Variants in OSBP2 observed in about 807,000 individuals in gnomAD.
OSBP2 encodes the protein oxysterol-binding protein 2.
OSBP2 carries 66 observed loss-of-function variants against 96.0 expected under a neutral mutation model. That is an observed-to-expected ratio of 0.69 (90% CI 0.56 to 0.84). The LOEUF (loss-of-function observed/expected upper bound fraction) is 0.84. Among genes scored for constraint, OSBP2 ranks in the 40% least tolerant of loss-of-function variants. The pLI, the probability that OSBP2 is intolerant of heterozygous loss-of-function variation, is 0.00. For missense variants in OSBP2, 1,038 were observed against 1,222.7 expected, an observed-to-expected ratio of 0.85 and a Z score of 2.25; for synonymous variants, 525 against 520.9, an observed-to-expected ratio of 1.01 and a Z score of -0.11.
At chr22:30,711,913 C>T (rs1487751705) in intron 1 of OSBP2, among the ~76,000 whole-genome samples, 1 of 152,044 alleles carries the variant, frequency 6.6e-6, no homozygotes, top group Non-Finnish European at 1.5e-5. Flanking sequence ...ACATAGGTCT[C>T]TGGAGACCTG....
intron 1 of OSBP2, among the ~76,000 whole-genome samples, chr22:30,739,440 A>G (rs1432169790): frequency 6.6e-6 from 1 of 152,150 alleles, no homozygotes; most frequent in Non-Finnish European, 1.5e-5. Context: ...TTCAGTTTTA[A>G]TGGCAGGATC....
At chr22:30,880,339 G>A (rs538203334) in intron 3 of OSBP2, among the ~76,000 whole-genome samples, 368 of 152,342 alleles carry the variant, frequency 2.4e-3, no homozygotes, top group Non-Finnish European at 3.9e-3. Flanking sequence ...GGGCAGACAC[G>A]TCAGATGCCT....
intron 12 of OSBP2, chr22:30,902,207 G>T: frequency 1.6e-6 from 2 of 1,251,528 alleles, no homozygotes. Flanking sequence ...AGAAGGAGTC[G>T]CTCACAGAGC....
chr22:30,693,938 C>T (rs2088970799), upstream of OSBP2: 1 of 853,832 alleles, frequency 1.2e-6, no homozygotes, highest in Non-Finnish European at 1.8e-6. Context: ...GCATTCCAGC[C>T]TGGGCTACCG....
intron 2 of OSBP2, among the ~76,000 whole-genome samples, chr22:30,783,693 C>G (rs1242828543): frequency 1.9e-4 from 29 of 152,122 alleles, no homozygotes; most frequent in Admixed American, 1.9e-3. Context: ...CCAAATCTGC[C>G]TGGTCATGTA....
chr22:30,886,156 G>A (rs976056192), intron 3 of OSBP2, among the ~76,000 whole-genome samples: 4 of 152,168 alleles, frequency 2.6e-5, no homozygotes, highest in Non-Finnish European at 2.9e-5. Flanking sequence ...TGGTTGGGGC[G>A]CAGCTTGGTT....
chr22:30,856,373 C>CTTTTTTTTTTTTTTTTTT (rs56875088), intron 2 of OSBP2, among the ~76,000 whole-genome samples: 5 of 101,432 alleles, frequency 4.9e-5, no homozygotes, highest in East Asian at 2.9e-4. Context: ...CAGAGCCCTT[C>CTTTTTTTTTTTTTTTTTT]TTTTTTTTTT....
At chr22:30,711,027 G>A (rs1474769286) in intron 1 of OSBP2, among the ~76,000 whole-genome samples, 1 of 152,202 alleles carries the variant, frequency 6.6e-6, no homozygotes, top group Admixed American at 6.5e-5. Context: ...ATACAGGCGT[G>A]AGTCACTGCG....
intron 2 of OSBP2, among the ~76,000 whole-genome samples, chr22:30,865,631 C>CAAAAAAAAAAAAAAA (rs398040482): frequency 1.7e-5 from 1 of 59,898 alleles, no homozygotes; most frequent in Non-Finnish European, 3.1e-5. Flanking sequence ...GACTCCATCT[C>CAAAAAAAAAAAAAAA]AAAAAAAAAA....
chr22:30,814,434 G>GT (rs11453458), intron 2 of OSBP2, among the ~76,000 whole-genome samples: 51,405 of 140,092 alleles, frequency 0.37, 10,060 homozygotes, highest in East Asian at 0.67. Flanking sequence ...ATCTCGTTGG[G>GT]TTTTTTTTTT....
At chr22:30,832,833 A>G (rs191974360) in intron 2 of OSBP2, among the ~76,000 whole-genome samples, 24 of 152,264 alleles carry the variant, frequency 1.6e-4, no homozygotes, top group African/African-American at 5.8e-4. Flanking sequence ...GCAGTGGCGC[A>G]CTGCAGGGGA....
intron 2 of OSBP2, among the ~76,000 whole-genome samples, chr22:30,793,029 C>T (rs2090699497): frequency 6.6e-6 from 1 of 152,188 alleles, no homozygotes; most frequent in Non-Finnish European, 1.5e-5. Flanking sequence ...ATCCAGTCCA[C>T]CACATTGTCT....
intron 2 of OSBP2, among the ~76,000 whole-genome samples, chr22:30,838,964 T>C (rs2038689854): frequency 6.8e-6 from 1 of 147,886 alleles, no homozygotes; most frequent in Non-Finnish European, 1.5e-5. Flanking sequence ...TTAGGAGATA[T>C]ACCTAATCTC....
chr22:30,894,159 A>G, intron 12 of OSBP2, 158 bp downstream of exon 12: 1 of 623,586 alleles, frequency 1.6e-6, no homozygotes, highest in Admixed American at 2.9e-5. Context: ...GAAGGCAGAC[A>G]CCGAACAGTA....
intron 12 of OSBP2, among the ~76,000 whole-genome samples, chr22:30,905,467 C>T (rs1034091524): frequency 2.0e-5 from 3 of 151,778 alleles, no homozygotes; most frequent in South Asian, 2.1e-4. Flanking sequence ...AAAAGCCAGG[C>T]ACTCCAGCCT....
At position 30,890,445 on chromosome 22, in the gene OSBP2, G is replaced by A. The variant is rs912427112; in HGVS notation, c.1624-283G>A. 8.5e-5 allele frequency among the ~76,000 whole-genome samples: 13 copies of A among 152,186 alleles called. No homozygotes were observed. Among genetic ancestry groups the A allele is most frequent in the African/African-American group, 2.9e-4 (12 of 41,438 alleles). ...AGCAGTGGGCCAGGCAGAACCCCTG[G>A]CCTTGGTGGGTGTCCATCCGAGCAG... On this transcript the variant is annotated intron_variant, in intron 7 of 13. Coordinates refer to ENST00000332585, the MANE Select transcript of OSBP2 (RefSeq NM_030758.4). This position sits in a 1 kb window ranked among gnomAD's most constrained non-coding sequence, Gnocchi z 4.4.
intron 12 of OSBP2, chr22:30,894,435 C>T (rs1008191606): frequency 1.2e-5 from 2 of 161,626 alleles, no homozygotes; most frequent in African/African-American, 4.8e-5. Flanking sequence ...GAAGAAGTGA[C>T]AGAACTGCAT....
rs1288239157 is a variant in OSBP2, at chr22:30,870,561, C to T, written c.986C>T (p.Ala329Val). Residue 329 changes from alanine to valine, a missense_variant, in exon 3 of 14, where the codon GCA (alanine) becomes GTA (valine). By Grantham distance (64) the Ala-to-Val change is moderately conservative. This residue lies in a region of OSBP2 where 737 missense variants were observed against 913.3 expected (regional missense o/e 0.81). Transcript: ENST00000332585. The surrounding 1 kb of genome is among the most constrained non-coding windows in gnomAD (Gnocchi z 4.1). ...CNDLIAKHGA[A>V]LQRSLTELDG... ...GACCTCATCGCCAAGCACGGCGCTG[C>T]ACTCCAGCGCTCCCTGACAGAGCTG... 3 of 1,614,054 alleles carry T rather than the reference C, an allele frequency of 1.9e-6. No homozygotes were observed. Among genetic ancestry groups the T allele is most frequent in the South Asian group, 2.2e-5 (2 of 91,088 alleles).
At position 30,754,180 on chromosome 22, in the gene OSBP2, C is replaced by T. The variant is rs117283943; in HGVS notation, c.853+12811C>T. Among the ~76,000 whole-genome samples the T allele has an allele frequency of 2.0e-3, 312 of 152,220 alleles. 12 individuals are homozygous for T. In the East Asian group the frequency reaches 0.055, roughly 27 times the overall value. On this transcript the variant is annotated intron_variant, in intron 2 of 13. Transcript: ENST00000332585. ...CAGCCAAAAATTGGGCAGACTTTTC[C>T]AAGTGCGTGAGAAGATGCTGAAACT... is the stretch of plus-strand genomic sequence containing the variant.
Sources: gnomAD v4.1 joint callset for allele counts (sites outside exome capture counted in the v4.1 genomes callset) on GRCh38, gnomAD v4.1.1 for gene constraint, gnomAD v4.1.1 regional missense constraint, Gnocchi (gnomAD v3.1) non-coding constraint, MANE v1.5 for transcripts, NCBI Gene and HGNC (gene_info 2026-07-23, HGNC 2026-07-21) for gene names.